Variants in CEP135 observed in about 807,000 individuals in gnomAD.
CEP135 encodes centrosomal protein of 135 kDa.
Under a neutral mutation model 157.3 loss-of-function variants are expected in CEP135, and 142 were observed. The ratio of observed to expected loss-of-function variants is 0.90; its 90% CI spans 0.79 to 1.04. The LOEUF (loss-of-function observed/expected upper bound fraction) is 1.04, where lower values mean the gene tolerates loss of function less well. Among genes scored for constraint, CEP135 ranks in the 50% least tolerant of loss-of-function variants. The pLI, the probability that CEP135 is intolerant of heterozygous loss-of-function variation, is 0.00. For missense variants in CEP135, 1,317 were observed against 1,309.2 expected (o/e 1.01, Z -0.09); for synonymous variants, 396 against 439.8 (o/e 0.90, Z 1.25).
At chr4:56,025,570 T>C (rs1731131398) in intron 25 of CEP135, among the ~76,000 whole-genome samples, 1 of 152,138 alleles carries the variant, frequency 6.6e-6, no homozygotes, top group Admixed American at 6.6e-5. Flanking sequence ...GTGGACTTTA[T>C]TCTGTAAGTC....
chr4:56,033,310 A>C lies in CEP135; in HGVS notation c.*1962A>C, dbSNP rs1383232014. Reference sequence around the variant, plus strand: ...AGATGTTTTTGATTTTGTTTTAAATAATTTTAAATTATGGAGCTTGACCTA... The same window carrying C: ...AGATGTTTTTGATTTTGTTTTAAATCATTTTAAATTATGGAGCTTGACCTA... On this transcript the variant is annotated 3_prime_UTR_variant, in exon 26 of 26. Coordinates refer to ENST00000257287, the MANE Select transcript of CEP135 (RefSeq NM_025009.5). 2 of 152,136 alleles carry C rather than the reference A, an allele frequency of 1.3e-5. No individual in the cohort carries two copies. Among genetic ancestry groups the C allele is most frequent in the Non-Finnish European group, 2.9e-5 (2 of 68,006 alleles). 9.4% of individuals were successfully genotyped at this position (152,136 alleles called of 1,614,324 possible). A position where few individuals can be genotyped will look rare whatever the true frequency, so the allele number is the denominator to read the frequency against.
rs1056427181 is a variant in CEP135 at position 55,948,959 on chromosome 4, C to G, written c.-146C>G. 3 of 152,344 alleles carry G rather than the reference C, an allele frequency of 2.0e-5. No individual in the cohort carries two copies. Among genetic ancestry groups the G allele is most frequent in the African/African-American group, 7.2e-5 (3 of 41,478 alleles). 9.4% of individuals were successfully genotyped at this position (152,344 alleles called of 1,614,324 possible). A position where few individuals can be genotyped will look rare whatever the true frequency, so the allele number is the denominator to read the frequency against. ...CCCTCCGCGCCATTTTCAAACTGCT[C>G]TAGCGCCGGAGCCCGTGCCTGGACG... On this transcript the variant is annotated 5_prime_UTR_variant, in exon 1 of 26. Transcript: ENST00000257287.
In CEP135 at chr4:56,010,972, G is replaced by A. The variant is rs180691257; in HGVS notation, c.2506-440G>A. 1.2e-4 allele frequency among the ~76,000 whole-genome samples: 18 copies of A among 152,184 alleles called. No individual in the cohort carries two copies. In the East Asian group the frequency reaches 2.3e-3, roughly 20 times the overall value. Reference sequence around the variant, plus strand: ...TATCAGACCAGGCGTGGTAGCTCACGCCTATAATCCCAGCACTTTCGGAGA... The same window carrying A: ...TATCAGACCAGGCGTGGTAGCTCACACCTATAATCCCAGCACTTTCGGAGA... On this transcript the variant is annotated intron_variant, in intron 19 of 25. Transcript: ENST00000257287.
intron 15 of CEP135, among the ~76,000 whole-genome samples, chr4:55,993,010 G>A (rs1197372359): frequency 6.6e-6 from 1 of 152,104 alleles, no homozygotes; most frequent in Non-Finnish European, 1.5e-5. Flanking sequence ...TCAAATGTCA[G>A]CAAGACATTA....
chr4:55,996,809 G>T (rs1032350118), intron 15 of CEP135, among the ~76,000 whole-genome samples: 1 of 150,444 alleles, frequency 6.6e-6, no homozygotes, highest in Non-Finnish European at 1.5e-5. Context: ...TGAACACTTC[G>T]TATGAACAGA....
intron 15 of CEP135, among the ~76,000 whole-genome samples, chr4:55,994,558 A>C (rs1345569244): frequency 1.3e-5 from 2 of 152,036 alleles, no homozygotes; most frequent in Non-Finnish European, 2.9e-5. Context: ...TAGATAAGGC[A>C]TATGTTCCTT....
chr4:55,974,627 T>C (rs533017770), intron 10 of CEP135, 119 bp from the exon 11 acceptor site: 66 of 725,866 alleles, frequency 9.1e-5, no homozygotes, highest in East Asian at 2.2e-4. Flanking sequence ...ACAGGTGTTA[T>C]GTAGAACAGT....
At chr4:56,001,842 T>C (rs1023594568) in intron 17 of CEP135, among the ~76,000 whole-genome samples, 6 of 152,154 alleles carry the variant, frequency 3.9e-5, no homozygotes, top group African/African-American at 1.4e-4. Context: ...TTGGGTATTA[T>C]TATCATTTTA....
At chr4:55,991,037 G>A (rs1214236680) in intron 14 of CEP135, among the ~76,000 whole-genome samples, 4 of 151,834 alleles carry the variant, frequency 2.6e-5, no homozygotes, top group Non-Finnish European at 5.9e-5. Context: ...GTACAGTGGC[G>A]TGATCTCGGC....
chr4:56,031,774 A>T lies in CEP135; in HGVS notation c.*426A>T, dbSNP rs180676327. 25 of 152,260 alleles carry T rather than the reference A, an allele frequency of 1.6e-4. No individual in the cohort carries two copies. The highest frequency in any genetic ancestry group is 1.6e-3 in the Admixed American group (24 of 15,284). The allele number at this position is 152,260 out of a possible 1,614,324, so 9.4% of individuals were successfully genotyped here. A position where few individuals can be genotyped will look rare whatever the true frequency, so the allele number is the denominator to read the frequency against. On this transcript the variant is annotated 3_prime_UTR_variant, in exon 26 of 26. Transcript: ENST00000257287. ...CTATGTTTAGACCATATCTTAATGT[A>T]TTCACAAAGAATTATCAACTTTGAT...
rs1022231116 is a variant in CEP135 at position 55,965,729 on chromosome 4, T to G, written c.914T>G (p.Val305Gly). ...METKETVTSE[V>G]VNLSNKNEKL... ...ACCAAGGAAACAGTGACATCTGAAGTCGTTAATTTAAGTAACAAAAATGAA... is the reference window on the plus strand; with the variant it reads ...ACCAAGGAAACAGTGACATCTGAAGGCGTTAATTTAAGTAACAAAAATGAA... The change falls in exon 8 of 26, where the codon GTC becomes GGC. Residue 305 changes from valine (V) to glycine (G), a missense_variant. Coordinates refer to ENST00000257287, the MANE Select transcript of CEP135 (RefSeq NM_025009.5). 1.9e-6 allele frequency: 3 copies of G among 1,613,840 alleles called. No homozygotes were observed. The highest frequency in any genetic ancestry group is 1.7e-4 in the Middle Eastern group (1 of 6,058).
In CEP135 at chr4:55,996,952, A is replaced by T. The variant is rs146999697; in HGVS notation, c.2010-2350A>T. On this transcript the variant is annotated intron_variant, in intron 15 of 25. Coordinates refer to ENST00000257287, the MANE Select transcript of CEP135 (RefSeq NM_025009.5). The stretch of plus-strand genomic sequence containing the variant: ...ACTGAGGAATTTGAATCTCAAAGAG[A>T]TGGACCTCTACCCAGTCACATCTGC... Among the ~76,000 whole-genome samples, 513 of 152,320 alleles carry T rather than the reference A, an allele frequency of 3.4e-3. 4 individuals are homozygous for T. The highest frequency in any genetic ancestry group is 0.012 in the African/African-American group (490 of 41,572).
At chr4:56,017,014 C>T (rs1730799032) in intron 21 of CEP135, among the ~76,000 whole-genome samples, 1 of 151,924 alleles carries the variant, frequency 6.6e-6, no homozygotes, top group Non-Finnish European at 1.5e-5. Flanking sequence ...ATGCAGAATT[C>T]TCCCCAAAAC....
chr4:56,024,535 C>G lies in CEP135; in HGVS notation c.3355C>G (p.Leu1119Val). ...RAIQEMRRHG[L>V]ATPPLSSTLR... Reference sequence around the variant, plus strand: ...AATCCAAGAGATGCGTCGACATGGTCTTGCTACACCACCCCTTAGTTCCAC... The same window carrying G: ...AATCCAAGAGATGCGTCGACATGGTGTTGCTACACCACCCCTTAGTTCCAC... Residue 1119 changes from leucine to valine, a missense_variant, in exon 25 of 26, where the codon CTT becomes GTT. Physicochemically the swap from Leu to Val is conservative, Grantham distance 32. Coordinates refer to ENST00000257287, the MANE Select transcript of CEP135 (RefSeq NM_025009.5). The G allele has an allele frequency of 6.2e-7, 1 of 1,613,902 alleles. No individual in the cohort carries two copies. The highest frequency in any genetic ancestry group is 1.1e-5 in the South Asian group (1 of 91,086).
At chr4:56,017,570 T>G (rs1425306272) in intron 21 of CEP135, 78 bp from the exon 22 acceptor site, 3 of 1,254,472 alleles carry the variant, frequency 2.4e-6, no homozygotes, top group Non-Finnish European at 3.2e-6. Flanking sequence ...TAAAGTGAGA[T>G]TGTTGGCTGT....
At chr4:56,021,679 A>G (rs1288822398) in intron 24 of CEP135, among the ~76,000 whole-genome samples, 1 of 152,166 alleles carries the variant, frequency 6.6e-6, no homozygotes, top group Non-Finnish European at 1.5e-5. Flanking sequence ...AAAACTTTGT[A>G]GTGATGTGCT....
chr4:56,019,928 G>C (rs1730917913), intron 23 of CEP135, among the ~76,000 whole-genome samples: 1 of 152,186 alleles, frequency 6.6e-6, no homozygotes, highest in South Asian at 2.1e-4. Context: ...GACAGAGCGA[G>C]ACGCTGTCCC....
chr4:55,975,053 A>C, intron 11 of CEP135, 84 bp downstream of exon 11: 1 of 994,828 alleles, frequency 1.0e-6, no homozygotes, highest in Non-Finnish European at 1.4e-6. Flanking sequence ...ATGTAACTTT[A>C]TTCGTACTTG....
chr4:56,018,692 C>A lies in CEP135; in HGVS notation c.3013-661C>A, dbSNP rs28376464. Reference sequence around the variant, plus strand: ...GAAGGTTCACTTGAGCCCAGGATGTCGAGGCCGCAGTAAGCAGAGATTGTG... The same window carrying A: ...GAAGGTTCACTTGAGCCCAGGATGTAGAGGCCGCAGTAAGCAGAGATTGTG... On this transcript the variant is annotated intron_variant, in intron 22 of 25. Coordinates refer to ENST00000257287, the MANE Select transcript of CEP135 (RefSeq NM_025009.5). Among the ~76,000 whole-genome samples, 979 of 151,848 alleles carry A rather than the reference C, an allele frequency of 6.4e-3. 12 individuals are homozygous for A. The highest frequency in any genetic ancestry group is 0.023 in the African/African-American group (942 of 41,380).
Sources: allele counts gnomAD v4.1 joint callset (sites outside exome capture counted in the v4.1 genomes callset), GRCh38; gene constraint gnomAD v4.1.1; transcripts MANE v1.5; gene names NCBI Gene and HGNC (gene_info 2026-07-23, HGNC 2026-07-21).